The following THADA variants were observed in gnomAD, a reference collection of about 807,000 sequenced individuals.
THADA encodes tRNA (32-2'-O)-methyltransferase regulator THADA.
In THADA, 213 loss-of-function variants were observed where a neutral mutation model predicts 219.8. The ratio of observed to expected loss-of-function variants is 0.97; its 90% CI spans 0.87 to 1.09. The LOEUF (loss-of-function observed/expected upper bound fraction) is 1.09. Ranked by LOEUF, THADA falls within the 50% of genes least tolerant of loss-of-function variation. The pLI is 0.00. For synonymous variants in THADA, 1,018 were observed against 828.9 expected (o/e 1.23, Z -3.92); for missense variants, 2,956 against 2,311.3 (o/e 1.28, Z -5.72).
intron 7 of THADA, among the ~76,000 whole-genome samples, chr2:43,586,159 G>T (rs1004974957): frequency 2.0e-5 from 3 of 152,060 alleles, no homozygotes; most frequent in Non-Finnish European, 4.4e-5. Context: ...CAGCTACGTG[G>T]GAAGCTGAGG....
intron 29 of THADA, among the ~76,000 whole-genome samples, chr2:43,361,203 C>CG (rs1198986043): frequency 3.3e-5 from 5 of 152,154 alleles, no homozygotes; most frequent in African/African-American, 1.2e-4. Context: ...TATCATATCA[C>CG]GGGCTTTGTA....
At chr2:43,569,993 G>A (rs1046889563) in intron 14 of THADA, among the ~76,000 whole-genome samples, 32 of 152,292 alleles carry the variant, frequency 2.1e-4, no homozygotes, top group African/African-American at 7.7e-4. Flanking sequence ...TGGGCCAAGA[G>A]TCATTAATAT....
intron 25 of THADA, among the ~76,000 whole-genome samples, chr2:43,493,529 C>T (rs555794768): frequency 3.3e-5 from 5 of 152,040 alleles, no homozygotes; most frequent in Non-Finnish European, 7.4e-5. Flanking sequence ...CTTAGAAAGA[C>T]TCTAAGTGGC....
intron 25 of THADA, among the ~76,000 whole-genome samples, chr2:43,491,025 T>C (rs1687566916): frequency 6.6e-6 from 1 of 152,170 alleles, no homozygotes; most frequent in Admixed American, 6.5e-5. Context: ...ACTTCCTACT[T>C]AAGACAGAAG....
At position 43,515,141 on chromosome 2, in the gene THADA, TAA is replaced by T. The variant is rs1298400376; in HGVS notation, c.3375-6363_3375-6362del. 2.4e-3 allele frequency among the ~76,000 whole-genome samples: 44 copies of T among 18,198 alleles called. 1 individual carries two copies. Among genetic ancestry groups the T allele is most frequent in the Non-Finnish European group, 3.3e-3 (38 of 11,640 alleles). The allele number at this position is 18,198 out of a possible 152,430, so 11.9% of individuals were successfully genotyped here. A position where few individuals can be genotyped will look rare whatever the true frequency, so the allele number is the denominator to read the frequency against. On this transcript the variant is annotated intron_variant, in intron 22 of 37. Coordinates refer to ENST00000405975, the MANE Select transcript of THADA (RefSeq NM_022065.5). ...TATAATATATTTTATATATAATATA[TAA>T]TATATTTTATATATTATATATAATA...
chr2:43,398,203 A>G (rs1373504712), intron 28 of THADA, 64 bp from the exon 29 acceptor site: 1 of 1,534,722 alleles, frequency 6.5e-7, no homozygotes, highest in African/African-American at 1.4e-5. Context: ...CTTTGTATAT[A>G]CTTACATTCT....
At chr2:43,340,477 A>AT (rs1055624615) in intron 30 of THADA, among the ~76,000 whole-genome samples, 7 of 152,232 alleles carry the variant, frequency 4.6e-5, no homozygotes, top group Non-Finnish European at 1.0e-4. Context: ...GTGCCAATCA[A>AT]TTTTTTAAAA....
At chr2:43,462,649 C>G (rs77326869) in intron 26 of THADA, among the ~76,000 whole-genome samples, 2,588 of 152,058 alleles carry the variant, frequency 0.017, 148 homozygotes, top group East Asian at 0.13. Context: ...GAAGGAAGAC[C>G]AAAGAATTTT....
At chr2:43,558,289 G>T (rs1697633897) in intron 16 of THADA, among the ~76,000 whole-genome samples, 1 of 151,930 alleles carries the variant, frequency 6.6e-6, no homozygotes, top group Non-Finnish European at 1.5e-5. Flanking sequence ...TTCAAAAACT[G>T]CTGTACACTT....
chr2:43,232,929 C>T (rs370445422), intron 36 of THADA, 47 bp from the exon 37 acceptor site: 97 of 1,550,648 alleles, frequency 6.3e-5, no homozygotes, highest in South Asian at 1.7e-4. Context: ...TGCTCAGGGC[C>T]GACCCCAGGG....
At chr2:43,388,532 C>T (rs1340896719) in intron 29 of THADA, among the ~76,000 whole-genome samples, 1 of 152,160 alleles carries the variant, frequency 6.6e-6, no homozygotes, top group Non-Finnish European at 1.5e-5. Context: ...TCCTTTGTCT[C>T]AGACAGTGTG....
intron 11 of THADA, 62 bp from the exon 12 acceptor site, chr2:43,573,054 G>C: frequency 7.8e-7 from 1 of 1,280,684 alleles, no homozygotes; most frequent in African/African-American, 1.5e-5. Context: ...ATTATCAGCT[G>C]CTAATTTTCA....
intron 19 of THADA, among the ~76,000 whole-genome samples, chr2:43,550,543 C>T (rs967282211): frequency 4.6e-5 from 7 of 152,206 alleles, no homozygotes; most frequent in African/African-American, 1.4e-4. Context: ...GCAGATAACA[C>T]AGGGAAGAAG....
intron 15 of THADA, chr2:43,564,911 A>C (rs1698487614): frequency 6.6e-6 from 1 of 152,250 alleles, no homozygotes; most frequent in African/African-American, 2.4e-5. Flanking sequence ...AGCTAAAAAG[A>C]GGCATAATAA....
At chr2:43,502,932 C>T (rs973827381) in intron 24 of THADA, among the ~76,000 whole-genome samples, 2 of 152,040 alleles carry the variant, frequency 1.3e-5, no homozygotes, top group African/African-American at 2.4e-5. Context: ...TTTCAACAGA[C>T]AACTTTCATA....
At chr2:43,292,035 G>T in intron 33 of THADA, 69 bp downstream of exon 33, 3 of 1,088,472 alleles carry the variant, frequency 2.8e-6, no homozygotes, top group Non-Finnish European at 4.0e-6. Flanking sequence ...TTGTGTGCAA[G>T]TTCATTACAT....
chr2:43,526,693 T>C (rs1693211373), intron 22 of THADA, among the ~76,000 whole-genome samples: 2 of 152,238 alleles, frequency 1.3e-5, no homozygotes, highest in African/African-American at 2.4e-5. Flanking sequence ...ACAGCCAGTG[T>C]TGGTTCTGAC....
At chr2:43,593,482 G>C (rs1039530880) in intron 1 of THADA, among the ~76,000 whole-genome samples, 2 of 152,178 alleles carry the variant, frequency 1.3e-5, no homozygotes, top group African/African-American at 4.8e-5. Flanking sequence ...AACTATTTCT[G>C]AAGGACCTAG....
intron 28 of THADA, among the ~76,000 whole-genome samples, 195 bp downstream of exon 28, chr2:43,427,905 G>A (rs1040222539): frequency 2.0e-5 from 3 of 149,440 alleles, no homozygotes; most frequent in Non-Finnish European, 3.0e-5. Context: ...GCAGTGAGCC[G>A]AGATCGCGCC....
Sources: gnomAD v4.1 joint callset for allele counts (sites outside exome capture counted in the v4.1 genomes callset) on GRCh38, gnomAD v4.1.1 for gene constraint, MANE v1.5 for transcripts, NCBI Gene and HGNC (gene_info 2026-07-23, HGNC 2026-07-21) for gene names.